The following LRRC37A3 variants were observed in gnomAD, a reference collection of about 807,000 sequenced individuals.
LRRC37A3 encodes leucine-rich repeat-containing protein 37A3.
In LRRC37A3, 25 loss-of-function variants were observed where a neutral mutation model predicts 106.2. That is an observed-to-expected ratio of 0.24 (90% confidence interval 0.17 to 0.33). The LOEUF is 0.33. LRRC37A3 is among the 10% of genes least tolerant of loss of function. The pLI is 1.00. For synonymous variants in LRRC37A3, 305 were observed against 635.8 expected (o/e 0.48, Z 7.83); for missense variants, 712 against 1,644.9 (o/e 0.43, Z 9.81).
chr17:64,916,702 C>G (rs1974709512), intron 2 of LRRC37A3, among the ~76,000 whole-genome samples: 1 of 149,398 alleles, frequency 6.7e-6, no homozygotes, highest in Non-Finnish European at 1.5e-5. Flanking sequence ...GGGAGGATGG[C>G]TTGAACCCAG....
intron 8 of LRRC37A3, among the ~76,000 whole-genome samples, chr17:64,880,379 G>A (rs1232042411): frequency 6.6e-6 from 1 of 152,198 alleles, no homozygotes; most frequent in African/African-American, 2.4e-5. Context: ...AACTCCAGGG[G>A]CTCAAGCGAT....
At chr17:64,877,288 A>G (rs1598410667) in intron 8 of LRRC37A3, among the ~76,000 whole-genome samples, 1 of 151,570 alleles carries the variant, frequency 6.6e-6, no homozygotes, top group Non-Finnish European at 1.5e-5. Flanking sequence ...TGCAACCTCC[A>G]CCTCCCGGGT....
In LRRC37A3 at chr17:64,860,788, G is replaced by C. The variant is rs779710841; in HGVS notation, c.3358C>G (p.Leu1120Val). 1 of 1,614,166 alleles carries C rather than the reference G, an allele frequency of 6.2e-7. No individual in the cohort carries two copies. The change falls in exon 12 of 15, where the codon CTA becomes GTA. Residue 1120 changes from leucine (L) to valine (V), a missense_variant. Transcript: ENST00000584306. ...TNDESDVTST[L>V]SYILPYFSAV... ...GAGAAATAAGGTAAGATGTAACTTA[G>C]TGTACTGGTAACATCACTCTCGTCA...
Position 64,854,230 on chromosome 17 carries a change from A to G in LRRC37A3, c.*369T>C, listed in dbSNP as rs1972600555. On this transcript the variant is annotated 3_prime_UTR_variant, in exon 15 of 15. Coordinates refer to ENST00000584306, the MANE Select transcript of LRRC37A3 (RefSeq NM_199340.5). Reference sequence around the variant, plus strand: ...CATGCGTGTGCTTGAGGGCTTGGGAAAAAGACAGGGCTTGGCCCCACAGTG... The same window carrying G: ...CATGCGTGTGCTTGAGGGCTTGGGAGAAAGACAGGGCTTGGCCCCACAGTG... The G allele has an allele frequency of 2.9e-6, 1 of 345,794 alleles. No homozygotes were observed. Among genetic ancestry groups the G allele is most frequent in the Non-Finnish European group, 5.2e-6 (1 of 190,804 alleles). The allele number at this position is 345,794 out of a possible 1,614,324, so 21.4% of individuals were successfully genotyped here.
intron 10 of LRRC37A3, among the ~76,000 whole-genome samples, chr17:64,866,629 T>TATATATATATGTATA (rs71236448): frequency 4.7e-4 from 6 of 12,856 alleles, no homozygotes; most frequent in Non-Finnish European, 7.5e-4. Flanking sequence ...TATATATATA[T>TATATATATATGTATA]TTTTTTTTTT....
At position 64,910,637 on chromosome 17, in the gene LRRC37A3, C is replaced by T. The variant is rs2457506; in HGVS notation, c.-496+8113G>A. On this transcript the variant is annotated intron_variant, in intron 2 of 14. Transcript: ENST00000584306. ...AGGAAGAAGAGTAACATTGTCCCCCCTTTTTTTTTTTTTTTTTTTTTTTTT... is the reference window on the plus strand; with the variant it reads ...AGGAAGAAGAGTAACATTGTCCCCCTTTTTTTTTTTTTTTTTTTTTTTTTT... 2.4e-4 allele frequency among the ~76,000 whole-genome samples: 23 copies of T among 96,484 alleles called. 1 individual carries two copies. The highest frequency in any genetic ancestry group is 2.6e-4 in the African/African-American group (6 of 22,752). The allele number at this position is 96,484 out of a possible 152,430, so 63.3% of individuals were successfully genotyped here. A position where few individuals can be genotyped will look rare whatever the true frequency, so the allele number is the denominator to read the frequency against.
intron 12 of LRRC37A3, 115 bp downstream of exon 12, chr17:64,859,327 T>C: frequency 8.4e-7 from 1 of 1,184,934 alleles, no homozygotes. Context: ...TGACCAAAGT[T>C]ACATGGCCAA....
chr17:64,861,017 G>A (rs1168282293), intron 11 of LRRC37A3, 44 bp from the exon 12 acceptor site: 1 of 1,612,310 alleles, frequency 6.2e-7, no homozygotes. Flanking sequence ...AAGATGATGG[G>A]ATGGGATGCA....
In LRRC37A3 at chr17:64,883,322, C is replaced by T. The variant is rs1973765019; in HGVS notation, c.2906+2764G>A. Among the ~76,000 whole-genome samples the T allele has an allele frequency of 5.3e-5, 8 of 151,528 alleles. No individual in the cohort carries two copies. The South Asian group carries it at 1.7e-3, about 32-fold the overall frequency. On this transcript the variant is annotated intron_variant, in intron 8 of 14. Coordinates refer to ENST00000584306, the MANE Select transcript of LRRC37A3 (RefSeq NM_199340.5). The stretch of plus-strand genomic sequence containing the variant: ...CAGATTCAAAATAGACAGACCCTAT[C>T]ACCCTGCTAACTTGGCCAGTCAGTA...
chr17:64,909,022 G>A (rs572587763), intron 2 of LRRC37A3, among the ~76,000 whole-genome samples: 52 of 151,996 alleles, frequency 3.4e-4, no homozygotes, highest in Admixed American at 1.2e-3. Context: ...TGATCCACCC[G>A]CTTCAGCCTC....
At chr17:64,856,377 T>A (rs920697781) in intron 13 of LRRC37A3, among the ~76,000 whole-genome samples, 1 of 149,878 alleles carries the variant, frequency 6.7e-6, no homozygotes, top group South Asian at 2.1e-4. Context: ...CTACCACACC[T>A]GGCTATTTTT....
Position 64,881,284 on chromosome 17 carries a change from C to T in LRRC37A3, c.2906+4802G>A, listed in dbSNP as rs1360494089. On this transcript the variant is annotated intron_variant, in intron 8 of 14. Coordinates refer to ENST00000584306, the MANE Select transcript of LRRC37A3 (RefSeq NM_199340.5). ...TTGAGATGAAGTCTCACTCTGTTGC[C>T]CAGGCTGGAGTGCAGTGCAGTGGTG... 7.2e-6 allele frequency: 5 copies of T among 691,024 alleles called. No homozygotes were observed. In the Admixed American group the frequency reaches 8.2e-5, roughly 11 times the overall value. 42.8% of individuals were successfully genotyped at this position (691,024 alleles called of 1,614,324 possible).
chr17:64,864,624 T>C (rs905200847), intron 10 of LRRC37A3, among the ~76,000 whole-genome samples: 12 of 151,986 alleles, frequency 7.9e-5, no homozygotes, highest in Non-Finnish European at 1.3e-4. Context: ...TCATTAAGAA[T>C]ACAGATTCCA....
intron 2 of LRRC37A3, among the ~76,000 whole-genome samples, chr17:64,914,969 C>T (rs1474724738): frequency 2.0e-5 from 3 of 151,270 alleles, no homozygotes; most frequent in African/African-American, 7.3e-5. Flanking sequence ...ATGATGGTTA[C>T]CGGGGGCTGG....
rs1973288513 is a variant in LRRC37A3 at position 64,870,816 on chromosome 17, C to T, written c.2907-1650G>A. 2.0e-5 allele frequency among the ~76,000 whole-genome samples: 3 copies of T among 150,836 alleles called. No homozygotes were observed. In the South Asian group the frequency reaches 6.3e-4, roughly 32 times the overall value. Reference sequence around the variant, plus strand: ...CTTTTTCCTTCCTTCCTTCCCTCCCCCTTCCTTCTATTTTCTTTCCTTTCC... The same window carrying T: ...CTTTTTCCTTCCTTCCTTCCCTCCCTCTTCCTTCTATTTTCTTTCCTTTCC... On this transcript the variant is annotated intron_variant, in intron 8 of 14. Transcript: ENST00000584306.
Position 64,858,886 on chromosome 17 carries a change from A to G in LRRC37A3, c.4705-3T>C, listed in dbSNP as rs762861519. The G allele has an allele frequency of 1.2e-5, 6 of 498,448 alleles. No homozygotes were observed. Among genetic ancestry groups the G allele is most frequent in the East Asian group, 1.7e-4 (2 of 11,744 alleles). 30.9% of individuals were successfully genotyped at this position (498,448 alleles called of 1,614,324 possible). ...TATCCTGGAAGTTCTTTTGTGAACT[A>G]AAAAAAAAAAAACCAGAATGAGAGC... On this transcript the variant is annotated splice_polypyrimidine_tract_variant and splice_region_variant and intron_variant, in intron 12 of 14. Coordinates refer to ENST00000584306, the MANE Select transcript of LRRC37A3 (RefSeq NM_199340.5).
intron 11 of LRRC37A3, 72 bp downstream of exon 11, chr17:64,862,825 TATC>T (rs1240620664): frequency 1.3e-6 from 2 of 1,501,146 alleles, no homozygotes; most frequent in East Asian, 2.3e-5. Flanking sequence ...CTTAAAATTT[TATC>T]ATCATTAAAA....
chr17:64,866,749 G>A (rs1973124235), intron 10 of LRRC37A3, among the ~76,000 whole-genome samples: 1 of 137,618 alleles, frequency 7.3e-6, no homozygotes, highest in South Asian at 2.3e-4. Context: ...TCCTGACTCA[G>A]GTTCCCTAGT....
At chr17:64,862,036 T>C (rs1366561842) in intron 11 of LRRC37A3, among the ~76,000 whole-genome samples, 2 of 151,592 alleles carry the variant, frequency 1.3e-5, no homozygotes, top group Non-Finnish European at 2.9e-5. Context: ...TTGTTTTTCC[T>C]CATCTGTAAA....
Sources: gnomAD v4.1 joint callset for allele counts (sites outside exome capture counted in the v4.1 genomes callset) on GRCh38, gnomAD v4.1.1 for gene constraint, MANE v1.5 for transcripts, NCBI Gene and HGNC (gene_info 2026-07-23, HGNC 2026-07-21) for gene names.